The following KCTD1 variants were observed in gnomAD, a reference collection of about 807,000 sequenced individuals.
The protein encoded by KCTD1 is BTB/POZ domain-containing protein KCTD1.
A neutral mutation model predicts 66.0 loss-of-function variants in KCTD1; 24 were observed. The observed-to-expected ratio is 0.36, with a 90% confidence interval of 0.26 to 0.51. The LOEUF (loss-of-function observed/expected upper bound fraction) is 0.51. KCTD1 is among the 20% of genes least tolerant of loss of function. KCTD1 has a pLI of 0.95. For missense variants in KCTD1, 943 were observed against 1,205.2 expected, an observed-to-expected ratio of 0.78 and a Z score of 3.22; for synonymous variants, 511 against 517.2, an observed-to-expected ratio of 0.99 and a Z score of 0.16.
At chr18:26,572,475 A>C (rs1986132691) in intron 1 of KCTD1, among the ~76,000 whole-genome samples, 1 of 152,232 alleles carries the variant, frequency 6.6e-6, no homozygotes, top group South Asian at 2.1e-4. Flanking sequence ...CGATTGTAAC[A>C]AGTTCTTTTT....
intron 2 of KCTD1, among the ~76,000 whole-genome samples, chr18:26,489,767 G>C (rs1430145436): frequency 6.6e-6 from 1 of 152,170 alleles, no homozygotes; most frequent in Non-Finnish European, 1.5e-5. Flanking sequence ...AGATTCGTGG[G>C]CTGGGCTGTA....
intron 1 of KCTD1, among the ~76,000 whole-genome samples, chr18:26,610,298 C>G (rs532850902): frequency 6.6e-6 from 1 of 152,272 alleles, no homozygotes; most frequent in African/African-American, 2.4e-5. Flanking sequence ...TTTGGCCAGG[C>G]ATGGTGGCTC....
chr18:26,576,411 T>A (rs1365764047), intron 1 of KCTD1, among the ~76,000 whole-genome samples: 1 of 152,004 alleles, frequency 6.6e-6, no homozygotes, highest in East Asian at 1.9e-4. Flanking sequence ...AACACACATA[T>A]AACTGAATTC....
chr18:26,547,385 C>G lies in KCTD1; in HGVS notation c.1152G>C (p.Glu384Asp), dbSNP rs763549077. 5.8e-6 allele frequency: 9 copies of G among 1,551,442 alleles called. No homozygotes were observed. In the South Asian group the frequency reaches 1.1e-4, roughly 18 times the overall value. ...TGACGAAGCTGGCGTAGGGGCAGAA[C>G]TCGGTGCCCGTCTCATACATGCGGG... Reference protein sequence around the residue: ...NLPRMYETGTEFCPYASFVKY... With the variant: ...NLPRMYETGTDFCPYASFVKY... Residue 384 changes from glutamate to aspartate, a missense_variant, in exon 1 of 5, where the codon GAG (glutamate) becomes GAC (aspartate). This residue lies in a region of KCTD1 where 79 missense variants were observed against 133.9 expected (regional missense o/e 0.59). Transcript: ENST00000580059.
chr18:26,603,940 G>GA (rs958729608), intron 1 of KCTD1, among the ~76,000 whole-genome samples: 1 of 151,894 alleles, frequency 6.6e-6, no homozygotes, highest in African/African-American at 2.4e-5. Flanking sequence ...TCTGCACACA[G>GA]AAAAAAGAAA....
At chr18:26,511,959 G>A (rs954316364) in intron 1 of KCTD1, among the ~76,000 whole-genome samples, 3 of 152,196 alleles carry the variant, frequency 2.0e-5, no homozygotes, top group Non-Finnish European at 4.4e-5. Context: ...TTAGTTCCAT[G>A]TGCATTTAGC....
Position 26,468,272 on chromosome 18 carries a change from A to G in KCTD1, c.2133+8243T>C, listed in dbSNP as rs1202252880. On this transcript the variant is annotated intron_variant, in intron 3 of 4. Transcript: ENST00000580059. This position sits in a 1 kb window ranked among gnomAD's most constrained non-coding sequence, Gnocchi z 4.8. ...TTCTGCAATCACTTATGCAGAGAAC[A>G]GATCTCAACAGCTTTCCATGGAAGC... Among the ~76,000 whole-genome samples the G allele has an allele frequency of 6.6e-6, 1 of 152,270 alleles. No homozygotes were observed. Among genetic ancestry groups the G allele is most frequent in the Admixed American group, 6.5e-5 (1 of 15,288 alleles).
intron 1 of KCTD1, among the ~76,000 whole-genome samples, chr18:26,513,840 A>G (rs1016400547): frequency 6.6e-6 from 1 of 152,268 alleles, no homozygotes; most frequent in African/African-American, 2.4e-5. Context: ...TGGTCATGAA[A>G]TGAAGGGCAT....
intron 1 of KCTD1, among the ~76,000 whole-genome samples, chr18:26,504,578 G>A (rs766203757): frequency 1.3e-5 from 2 of 152,002 alleles, no homozygotes; most frequent in African/African-American, 4.8e-5. Flanking sequence ...TCACTGTGTT[G>A]CCCAGGCTGG....
chr18:26,637,224 C>G (rs1227701481), intron 1 of KCTD1, among the ~76,000 whole-genome samples: 1 of 152,234 alleles, frequency 6.6e-6, no homozygotes, highest in African/African-American at 2.4e-5. Context: ...CCTTCCTCCT[C>G]CTGACTCTAT....
At chr18:26,632,247 A>C (rs934023721), upstream of KCTD1, among the ~76,000 whole-genome samples, 5 of 152,026 alleles carry the variant, frequency 3.3e-5, no homozygotes, top group Non-Finnish European at 5.9e-5. Context: ...TTAGCTTGGC[A>C]TAGTGGCAGG....
chr18:26,611,383 C>T (rs2144993381), intron 1 of KCTD1, among the ~76,000 whole-genome samples: 1 of 152,144 alleles, frequency 6.6e-6, no homozygotes, highest in East Asian at 1.9e-4. Flanking sequence ...TGGAGTCTCT[C>T]TCTGTCTCCC....
chr18:26,498,408 GT>G (rs1378548633), intron 2 of KCTD1, among the ~76,000 whole-genome samples: 1 of 150,180 alleles, frequency 6.7e-6, no homozygotes, highest in Non-Finnish European at 1.5e-5. Flanking sequence ...AAAAACATCT[GT>G]TTCATAGTTC....
Position 26,497,067 on chromosome 18 carries a change from A to C in KCTD1, c.1988+4005T>G, listed in dbSNP as rs1193845023. 3.9e-5 allele frequency among the ~76,000 whole-genome samples: 6 copies of C among 152,222 alleles called. No homozygotes were observed. In the East Asian group the frequency reaches 9.7e-4, roughly 24 times the overall value. Reference sequence around the variant, plus strand: ...TAGTCCATCATAGTACTTTTTGGGGACAAAGTTCTAAGGGTGCTCTTTAGC... The same window carrying C: ...TAGTCCATCATAGTACTTTTTGGGGCCAAAGTTCTAAGGGTGCTCTTTAGC... On this transcript the variant is annotated intron_variant, in intron 2 of 4. Coordinates refer to ENST00000580059, the MANE Select transcript of KCTD1 (RefSeq NM_001142730.3).
At chr18:26,568,658 AAT>A in intron 1 of KCTD1, among the ~76,000 whole-genome samples, 1 of 152,332 alleles carries the variant, frequency 6.6e-6, no homozygotes, top group East Asian at 1.9e-4. Context: ...GAATAGTACA[AAT>A]AAAAAATAAA....
At chr18:26,586,436 C>T (rs1986473808) in intron 1 of KCTD1, among the ~76,000 whole-genome samples, 1 of 152,246 alleles carries the variant, frequency 6.6e-6, no homozygotes, top group Non-Finnish European at 1.5e-5. Context: ...CCTCAGGCCT[C>T]CTATTCTCTG....
chr18:26,588,547 G>T (rs1986522906), intron 1 of KCTD1, among the ~76,000 whole-genome samples: 1 of 152,120 alleles, frequency 6.6e-6, no homozygotes, highest in Non-Finnish European at 1.5e-5. Flanking sequence ...TGAAGAGTTG[G>T]GCACAGCTTT....
chr18:26,621,537 G>C (rs777295730), intron 1 of KCTD1, among the ~76,000 whole-genome samples: 2 of 152,078 alleles, frequency 1.3e-5, no homozygotes, highest in Non-Finnish European at 2.9e-5. Flanking sequence ...GGGGAGAGGA[G>C]GGAGGGGAAG....
chr18:26,645,556 C>T, intron 1 of KCTD1, among the ~76,000 whole-genome samples: 1 of 152,154 alleles, frequency 6.6e-6, no homozygotes, highest in East Asian at 1.9e-4. Context: ...GCATGCACCC[C>T]ATGCCTGGTT....
Sources: allele counts gnomAD v4.1 joint callset (sites outside exome capture counted in the v4.1 genomes callset), GRCh38; gene constraint gnomAD v4.1.1; regional missense constraint gnomAD v4.1.1; non-coding constraint Gnocchi (gnomAD v3.1); transcripts MANE v1.5; gene names NCBI Gene and HGNC (gene_info 2026-07-23, HGNC 2026-07-21).